The following TGM3 variants were observed in gnomAD, a reference collection of about 807,000 sequenced individuals.
The protein encoded by TGM3 is protein-glutamine gamma-glutamyltransferase E.
In TGM3, 52 loss-of-function variants were observed where a neutral mutation model predicts 73.8. The ratio of observed to expected loss-of-function variants is 0.70; its 90% confidence interval spans 0.56 to 0.89. The LOEUF is 0.89. TGM3 is among the 40% of genes least tolerant of loss of function. TGM3 has a pLI of 0.00. For synonymous variants in TGM3, 372 were observed against 354.9 expected (o/e 1.05, Z -0.54); for missense variants, 928 against 909.9 (o/e 1.02, Z -0.26).
intron 11 of TGM3, among the ~76,000 whole-genome samples, chr20:2,336,622 G>A (rs1385133494): frequency 6.6e-6 from 1 of 150,656 alleles, no homozygotes; most frequent in East Asian, 2.0e-4. Context: ...GCCTGCAATT[G>A]CACCCTTTTA....
intron 7 of TGM3, among the ~76,000 whole-genome samples, 154 bp from the exon 8 acceptor site, chr20:2,325,695 G>A (rs1004527652): frequency 1.3e-5 from 2 of 152,180 alleles, no homozygotes; most frequent in African/African-American, 4.8e-5. Flanking sequence ...TCCACGAGAC[G>A]ATGCTCACCA....
intron 5 of TGM3, 69 bp downstream of exon 5, chr20:2,313,095 G>T (rs967857966): frequency 1.3e-6 from 2 of 1,591,830 alleles, no homozygotes; most frequent in Non-Finnish European, 1.7e-6. Flanking sequence ...AGCTAGGCAC[G>T]CACACTCTTT....
chr20:2,327,277 T>C (rs1033782714), intron 8 of TGM3, among the ~76,000 whole-genome samples: 2 of 151,844 alleles, frequency 1.3e-5, no homozygotes, highest in Non-Finnish European at 2.9e-5. Flanking sequence ...GAGACCATCC[T>C]GGCTAACATG....
intron 5 of TGM3, among the ~76,000 whole-genome samples, chr20:2,315,438 ACT>A (rs1434435133): frequency 6.6e-6 from 1 of 152,088 alleles, no homozygotes; most frequent in Non-Finnish European, 1.5e-5. Flanking sequence ...GTCTTGCCTG[ACT>A]CTGCCATGAC....
intron 2 of TGM3, 103 bp from the exon 3 acceptor site, chr20:2,310,075 T>G: frequency 6.5e-7 from 1 of 1,529,836 alleles, no homozygotes; most frequent in Non-Finnish European, 8.8e-7. Context: ...AATATGGCGC[T>G]TCATTGGCTC....
intron 4 of TGM3, among the ~76,000 whole-genome samples, chr20:2,312,464 G>A (rs1231586163): frequency 6.6e-6 from 1 of 151,026 alleles, no homozygotes; most frequent in Non-Finnish European, 1.5e-5. Flanking sequence ...GATGAGTTTG[G>A]CCTAATTATA....
At chr20:2,315,554 T>A (rs2084228878) in intron 5 of TGM3, among the ~76,000 whole-genome samples, 1 of 152,250 alleles carries the variant, frequency 6.6e-6, no homozygotes, top group South Asian at 2.1e-4. Flanking sequence ...GTGTCCAGAC[T>A]GTCCATTCTC....
In TGM3 at chr20:2,310,287, T is replaced by A. The variant is rs1407347331; in HGVS notation, c.291T>A (p.Thr97=). 6.2e-7 allele frequency: 1 copy of A among 1,614,232 alleles called. No homozygotes were observed. The highest frequency in any genetic ancestry group is 1.1e-5 in the South Asian group (1 of 91,082). ...AGGCCAGCAATGGCAATACTCTGACTATCAGCATCTCCAGTCCTGCCAGCG... is the reference window on the plus strand; with the variant it reads ...AGGCCAGCAATGGCAATACTCTGACAATCAGCATCTCCAGTCCTGCCAGCG... The part of the protein sequence containing the change: ...VLQASNGNTL[T]ISISSPASAP... Residue 97 remains threonine, a synonymous_variant, in exon 3 of 13, where the codon ACT becomes ACA. Coordinates refer to ENST00000381458, the MANE Select transcript of TGM3 (RefSeq NM_003245.4).
At chr20:2,324,015 A>T (rs934284843) in intron 7 of TGM3, among the ~76,000 whole-genome samples, 4 of 152,076 alleles carry the variant, frequency 2.6e-5, no homozygotes, top group Non-Finnish European at 5.9e-5. Flanking sequence ...TCTATCTAGC[A>T]TGTATGTTGG....
chr20:2,314,929 T>C (rs530124702), intron 5 of TGM3, among the ~76,000 whole-genome samples: 2 of 152,184 alleles, frequency 1.3e-5, no homozygotes, highest in Non-Finnish European at 2.9e-5. Flanking sequence ...AGCTGCATGA[T>C]AAATATCCGG....
Position 2,313,156 on chromosome 20 carries a change from C to T in TGM3, c.669+130C>T, listed in dbSNP as rs1288600242. The T allele has an allele frequency of 9.7e-6, 13 of 1,334,778 alleles. No homozygotes were observed. The South Asian group carries it at 1.7e-4, about 18-fold the overall frequency. 82.7% of individuals were successfully genotyped at this position (1,334,778 alleles called of 1,614,324 possible). ...ACCAATTACAGCTGGTGGTTAGAACCATCCACATTTTACTAACTTGGAGCA... is the reference window on the plus strand; with the variant it reads ...ACCAATTACAGCTGGTGGTTAGAACTATCCACATTTTACTAACTTGGAGCA... On this transcript the variant is annotated intron_variant, in intron 5 of 12. Coordinates refer to ENST00000381458, the MANE Select transcript of TGM3 (RefSeq NM_003245.4).
At chr20:2,333,917 C>T (rs960042756) in intron 10 of TGM3, among the ~76,000 whole-genome samples, 5 of 152,168 alleles carry the variant, frequency 3.3e-5, no homozygotes, top group African/African-American at 4.8e-5. Flanking sequence ...GATGCAAGGG[C>T]CTGTCCTCTC....
At chr20:2,296,384 A>T (rs1457000588) in intron 1 of TGM3, among the ~76,000 whole-genome samples, 1 of 151,958 alleles carries the variant, frequency 6.6e-6, no homozygotes, top group African/African-American at 2.4e-5. Context: ...CGTTTCTTTT[A>T]CACATCCGTC....
At position 2,325,816 on chromosome 20, in the gene TGM3, G is replaced by A. The variant is rs1280676812; in HGVS notation, c.984-33G>A. 3.4e-6 allele frequency: 5 copies of A among 1,486,762 alleles called. No homozygotes were observed. The South Asian group carries it at 3.6e-5, about 11-fold the overall frequency. 92.1% of individuals were successfully genotyped at this position (1,486,762 alleles called of 1,614,324 possible). A position where few individuals can be genotyped will look rare whatever the true frequency, so the allele number is the denominator to read the frequency against. On this transcript the variant is annotated intron_variant, in intron 7 of 12. Transcript: ENST00000381458. Reference sequence around the variant, plus strand: ...GCCACTCATCTGCTGTGTGGTCTTGGGCAAGCGCTGCAGTCTCTGGTTCTA... The same window carrying A: ...GCCACTCATCTGCTGTGTGGTCTTGAGCAAGCGCTGCAGTCTCTGGTTCTA...
chr20:2,331,998 A>G lies in TGM3; in HGVS notation c.1334-4A>G. The G allele has an allele frequency of 6.3e-7, 1 of 1,593,052 alleles. No individual in the cohort carries two copies. Among genetic ancestry groups the G allele is most frequent in the African/African-American group, 1.3e-5 (1 of 74,560 alleles). On this transcript the variant is annotated splice_region_variant and splice_polypyrimidine_tract_variant and intron_variant, in intron 9 of 12. Transcript: ENST00000381458. ...GCATGTTTCTGTCTTTTCCCACCAC[A>G]CAGGCTCTGACCAGGAAAGACAAGT...
At chr20:2,300,889 G>A in intron 1 of TGM3, among the ~76,000 whole-genome samples, 1 of 152,024 alleles carries the variant, frequency 6.6e-6, no homozygotes, top group East Asian at 1.9e-4. Context: ...ATCTCTGGGG[G>A]CCCCGGTGCT....
intron 1 of TGM3, 132 bp from the exon 2 acceptor site, chr20:2,309,525 G>T: frequency 1.2e-6 from 1 of 835,318 alleles, no homozygotes. Context: ...ATTTTAATGT[G>T]ATTCTTTCTA....
chr20:2,339,803 G>T, intron 11 of TGM3, 51 bp from the exon 12 acceptor site: 1 of 1,611,090 alleles, frequency 6.2e-7, no homozygotes, highest in South Asian at 1.1e-5. Flanking sequence ...CAAGGTGCAG[G>T]CAGGGGCTGA....
chr20:2,326,422 C>G (rs921914114), intron 8 of TGM3, among the ~76,000 whole-genome samples: 5 of 152,262 alleles, frequency 3.3e-5, no homozygotes, highest in African/African-American at 9.6e-5. Context: ...CCTCCTCTGG[C>G]CTCCCTCTGT....
Sources: gnomAD v4.1 joint callset for allele counts (sites outside exome capture counted in the v4.1 genomes callset) on GRCh38, gnomAD v4.1.1 for gene constraint, MANE v1.5 for transcripts, NCBI Gene and HGNC (gene_info 2026-07-23, HGNC 2026-07-21) for gene names.